The following HDAC4 variants were observed in gnomAD, a reference collection of about 807,000 sequenced individuals.
HDAC4 encodes the protein histone deacetylase 4.
A neutral mutation model predicts 135.1 loss-of-function variants in HDAC4; 16 were observed. The ratio of observed to expected loss-of-function variants is 0.12; its 90% CI spans 0.08 to 0.18. The LOEUF is 0.18. Ranked by LOEUF, HDAC4 falls within the 10% of genes least tolerant of loss-of-function variation. HDAC4 has a pLI of 1.00. For missense variants in HDAC4, 1,143 were observed against 1,511.8 expected (o/e 0.76, Z 4.05); for synonymous variants, 685 against 653.4 (o/e 1.05, Z -0.74).
At chr2:239,383,898 A>G (rs1695599725) in intron 1 of HDAC4, among the ~76,000 whole-genome samples, 1 of 152,256 alleles carries the variant, frequency 6.6e-6, no homozygotes, top group South Asian at 2.1e-4. Flanking sequence ...AGCCCCGCCA[A>G]CAAGGCCAGA....
chr2:239,126,359 C>G (rs2040186788), intron 12 of HDAC4, 97 bp downstream of exon 12: 2 of 1,598,488 alleles, frequency 1.3e-6, no homozygotes, highest in Non-Finnish European at 1.7e-6. Flanking sequence ...TCCTGGCCTC[C>G]CTTAAGGTCA....
rs147383332 is a variant in HDAC4, at chr2:239,305,236, G to A, written c.22+47442C>T. Among the ~76,000 whole-genome samples the A allele has an allele frequency of 1.2e-3, 179 of 152,334 alleles. 1 individual carries two copies. Among genetic ancestry groups the A allele is most frequent in the African/African-American group, 4.2e-3 (175 of 41,574 alleles). ...ACTGCATGGCCATGACCAAGCAGTC[G>A]GTTTTCATCCAGGTTGGTAGTCAGG... On this transcript the variant is annotated intron_variant, in intron 2 of 26. Coordinates refer to ENST00000543185, the MANE Select transcript of HDAC4 (RefSeq NM_001378414.1).
intron 3 of HDAC4, among the ~76,000 whole-genome samples, chr2:239,201,188 T>C (rs2045733844): frequency 6.6e-6 from 1 of 152,196 alleles, no homozygotes; most frequent in Non-Finnish European, 1.5e-5. Context: ...CCTGGCATCC[T>C]AACCTGGCTG....
In HDAC4 at chr2:239,204,189, C is replaced by CA. The variant is rs1223069494; in HGVS notation, c.95-14113dup. Among the ~76,000 whole-genome samples the CA allele has an allele frequency of 2.2e-4, 33 of 152,322 alleles. No homozygotes were observed. In the East Asian group the frequency reaches 6.2e-3, roughly 29 times the overall value. On this transcript the variant is annotated intron_variant, in intron 3 of 26. Transcript: ENST00000543185. ...GTGAACCTGTGAGCTCCTCTCTGCG[C>CA]AGGGCATCCTGCTGGCCGGCCGTGT...
chr2:239,058,974 C>T (rs1018087888), intron 24 of HDAC4, among the ~76,000 whole-genome samples: 14 of 152,250 alleles, frequency 9.2e-5, no homozygotes, highest in South Asian at 2.1e-4. Context: ...TAAAGCAAGT[C>T]GCCACAAAAA....
chr2:239,351,665 C>T (rs62182143), intron 2 of HDAC4: 20,696 of 154,416 alleles, frequency 0.13, 1,835 homozygotes, highest in Non-Finnish European at 0.21. Context: ...CAGACAAAGA[C>T]GATTCCACCC....
chr2:239,052,608 T>A lies in HDAC4; in HGVS notation c.*489A>T, dbSNP rs2031031650. ...CCACAGCCGTAGAAAACGTCCTCTT[T>A]AAAAAAAAATAAGCTACAAGATGAG... On this transcript the variant is annotated 3_prime_UTR_variant, in exon 27 of 27. Coordinates refer to ENST00000543185, the MANE Select transcript of HDAC4 (RefSeq NM_001378414.1). 1.2e-5 allele frequency: 2 copies of A among 168,730 alleles called. No homozygotes were observed. Among genetic ancestry groups the A allele is most frequent in the East Asian group, 1.5e-4 (1 of 6,560 alleles). The allele number at this position is 168,730 out of a possible 1,614,324, so 10.5% of individuals were successfully genotyped here.
At chr2:239,089,957 G>A (rs1357083319) in intron 18 of HDAC4, 52 bp downstream of exon 18, 1 of 1,349,096 alleles carries the variant, frequency 7.4e-7, no homozygotes, top group Admixed American at 1.7e-5. Context: ...CCCACACTGG[G>A]AATCTATGGC....
intron 7 of HDAC4, among the ~76,000 whole-genome samples, chr2:239,150,614 C>T: frequency 7.0e-6 from 1 of 141,992 alleles, no homozygotes; most frequent in Non-Finnish European, 1.6e-5. Flanking sequence ...CCGCGCTGCA[C>T]CTCCTGAAGT....
In HDAC4 at chr2:239,163,772, A is replaced by C. The variant is rs771922773; in HGVS notation, c.611+31T>G. The C allele has an allele frequency of 3.1e-5, 50 of 1,609,660 alleles. No homozygotes were observed. The East Asian group carries it at 1.1e-3, about 35-fold the overall frequency. On this transcript the variant is annotated intron_variant, in intron 6 of 26. Transcript: ENST00000543185. ...ACAGTCCTCTGGGCCCCCAGAGAGGAGGCCGGGGTGCTCCCCACACCCACA... is the reference window on the plus strand; with the variant it reads ...ACAGTCCTCTGGGCCCCCAGAGAGGCGGCCGGGGTGCTCCCCACACCCACA...
At chr2:239,159,699 C>T (rs1272279153) in intron 6 of HDAC4, among the ~76,000 whole-genome samples, 2 of 152,216 alleles carry the variant, frequency 1.3e-5, no homozygotes, top group Non-Finnish European at 2.9e-5. Flanking sequence ...TCACCCCGGC[C>T]ACACTCCACA....
chr2:239,119,943 GAGC>G (rs1298992750), intron 12 of HDAC4, among the ~76,000 whole-genome samples: 1 of 150,462 alleles, frequency 6.6e-6, no homozygotes, highest in African/African-American at 2.4e-5. Context: ...ACAGGAGAGT[GAGC>G]AGGAGGCACC....
chr2:239,278,951 T>C (rs2050551236), intron 2 of HDAC4, among the ~76,000 whole-genome samples: 1 of 152,128 alleles, frequency 6.6e-6, no homozygotes, highest in Non-Finnish European at 1.5e-5. Flanking sequence ...GCCTGGGCAA[T>C]AGTGTCAGAC....
chr2:239,298,059 A>G (rs2052019955), intron 2 of HDAC4: 2 of 509,510 alleles, frequency 3.9e-6, no homozygotes, highest in South Asian at 3.1e-5. Flanking sequence ...TTGAAGAGAT[A>G]CCTGTGTGTC....
At chr2:239,084,115 G>C in intron 20 of HDAC4, 40 bp downstream of exon 20, 1 of 1,481,668 alleles carries the variant, frequency 6.7e-7, no homozygotes, top group Non-Finnish European at 9.4e-7. Flanking sequence ...GACGGCAAAG[G>C]AGCAACCTGA....
At chr2:239,109,122 T>C (rs1326592778) in intron 14 of HDAC4, among the ~76,000 whole-genome samples, 1 of 152,172 alleles carries the variant, frequency 6.6e-6, no homozygotes, top group Non-Finnish European at 1.5e-5. Flanking sequence ...TGGTGACACC[T>C]GGCAGGAGGG....
intron 3 of HDAC4, among the ~76,000 whole-genome samples, chr2:239,202,851 G>T (rs2045838663): frequency 6.6e-6 from 1 of 152,226 alleles, no homozygotes; most frequent in Admixed American, 6.5e-5. Flanking sequence ...TGTCCAGGAG[G>T]GCGCAGGGCT....
At chr2:239,097,588 C>T (rs3791384) in intron 16 of HDAC4, among the ~76,000 whole-genome samples, 44,560 of 152,190 alleles carry the variant, frequency 0.29, 6,739 homozygotes, top group Non-Finnish European at 0.33. Context: ...AAGTAGTGGA[C>T]GTGGGGCTGA....
intron 1 of HDAC4, among the ~76,000 whole-genome samples, chr2:239,372,642 G>A (rs745676670): frequency 1.5e-4 from 23 of 152,224 alleles, no homozygotes; most frequent in Non-Finnish European, 2.2e-4. Flanking sequence ...GCGGCAACAC[G>A]CACAAGCAAG....
Sources: allele counts gnomAD v4.1 joint callset (sites outside exome capture counted in the v4.1 genomes callset), GRCh38; gene constraint gnomAD v4.1.1; transcripts MANE v1.5; gene names NCBI Gene and HGNC (gene_info 2026-07-23, HGNC 2026-07-21).